Variants in FGF14 observed in about 807,000 individuals in gnomAD.
FGF14 encodes the protein fibroblast growth factor homologous factor 4.
A neutral mutation model predicts 25.5 loss-of-function variants in FGF14; 5 were observed. That is an observed-to-expected ratio of 0.20 (90% CI 0.10 to 0.41). FGF14 has a LOEUF of 0.41. Ranked by LOEUF, FGF14 falls within the 10% of genes least tolerant of loss-of-function variation. FGF14 has a pLI of 1.00. For synonymous variants in FGF14, 138 were observed against 118.3 expected, an observed-to-expected ratio of 1.17 and a Z score of -1.08; for missense variants, 222 against 320.1, an observed-to-expected ratio of 0.69 and a Z score of 2.34.
intron 1 of FGF14, among the ~76,000 whole-genome samples, chr13:102,347,077 A>C (rs1475696392): frequency 6.6e-6 from 1 of 152,178 alleles, no homozygotes; most frequent in Non-Finnish European, 1.5e-5. Flanking sequence ...AGCAGAGCCC[A>C]AAAATAAAGG....
rs185289917 is a variant in FGF14, at chr13:102,139,581, G to A, written c.208+261890C>T. Reference sequence around the variant, plus strand: ...ATATGTCCTATGAGCAATGCTCCACGGATGACTGCTGTGGAGGGGGGGATG... The same window carrying A: ...ATATGTCCTATGAGCAATGCTCCACAGATGACTGCTGTGGAGGGGGGGATG... On this transcript the variant is annotated intron_variant, in intron 1 of 4. Transcript: ENST00000376131. Among the ~76,000 whole-genome samples the A allele has an allele frequency of 2.0e-5, 3 of 152,128 alleles. No individual in the cohort carries two copies. The East Asian group carries it at 5.8e-4, about 29-fold the overall frequency.
At chr13:102,063,554 T>C (rs143339835) in intron 1 of FGF14, among the ~76,000 whole-genome samples, 1 of 151,526 alleles carries the variant, frequency 6.6e-6, no homozygotes, top group Non-Finnish European at 1.5e-5. Context: ...AGGCAGAGGT[T>C]GCAGTGAGCC....
chr13:102,004,437 T>C (rs1399615995), intron 1 of FGF14, among the ~76,000 whole-genome samples: 3 of 152,170 alleles, frequency 2.0e-5, no homozygotes, highest in Non-Finnish European at 2.9e-5. Context: ...AGCCTTCTTT[T>C]GAAACCAGAG....
intron 1 of FGF14, among the ~76,000 whole-genome samples, chr13:102,275,234 T>TTTTC (rs1555391830): frequency 7.4e-5 from 5 of 67,490 alleles, no homozygotes; most frequent in Admixed American, 7.2e-4. Flanking sequence ...TTAGGCAGAT[T>TTTTC]TCTCTCTCTC....
intron 1 of FGF14, among the ~76,000 whole-genome samples, chr13:102,174,149 T>C (rs2048349846): frequency 6.6e-6 from 1 of 151,136 alleles, no homozygotes; most frequent in South Asian, 2.1e-4. Flanking sequence ...TTTTTTTTTT[T>C]TTTGAAATGG....
chr13:101,931,803 C>T (rs746732858), intron 1 of FGF14, among the ~76,000 whole-genome samples: 6 of 152,166 alleles, frequency 3.9e-5, no homozygotes, highest in Non-Finnish European at 8.8e-5. Flanking sequence ...ACCTGAAGAA[C>T]GCGATTGACC....
chr13:102,163,259 C>A (rs1233406030), intron 1 of FGF14, among the ~76,000 whole-genome samples: 2 of 152,032 alleles, frequency 1.3e-5, no homozygotes, highest in Non-Finnish European at 2.9e-5. Context: ...AGCCCTTGTG[C>A]CTTTATTTTG....
intron 1 of FGF14, among the ~76,000 whole-genome samples, chr13:102,161,641 A>AGGAGG (rs1566765011): frequency 2.7e-4 from 4 of 14,692 alleles, no homozygotes; most frequent in Non-Finnish European, 5.2e-4. Context: ...GAAGAAGAAG[A>AGGAGG]AGAAGAAGAA....
At chr13:102,328,224 G>A (rs1357338591) in intron 1 of FGF14, among the ~76,000 whole-genome samples, 6 of 152,180 alleles carry the variant, frequency 3.9e-5, no homozygotes. Context: ...CTTGAAGGTT[G>A]AAGTTCTTCA....
At chr13:101,757,297 G>A (rs1320553537) in intron 3 of FGF14, among the ~76,000 whole-genome samples, 2 of 152,010 alleles carry the variant, frequency 1.3e-5, no homozygotes, top group African/African-American at 4.8e-5. Flanking sequence ...ACAAATTTGG[G>A]GTTCTATTTT....
intron 3 of FGF14, among the ~76,000 whole-genome samples, chr13:101,864,150 G>C (rs2044571073): frequency 6.6e-6 from 1 of 152,080 alleles, no homozygotes; most frequent in Admixed American, 6.6e-5. Context: ...ATCCTGTATG[G>C]ATAGGTAGGA....
At chr13:102,234,705 T>C (rs1367916828) in intron 1 of FGF14, among the ~76,000 whole-genome samples, 1 of 152,190 alleles carries the variant, frequency 6.6e-6, no homozygotes, top group Non-Finnish European at 1.5e-5. Context: ...ACATACTTCA[T>C]TAATATATAT....
At chr13:102,317,146 A>C (rs2056063723) in intron 1 of FGF14, among the ~76,000 whole-genome samples, 1 of 152,146 alleles carries the variant, frequency 6.6e-6, no homozygotes, top group Non-Finnish European at 1.5e-5. Flanking sequence ...ACTACTTGCT[A>C]CATTTATTCT....
chr13:102,075,195 A>G (rs879386236), intron 1 of FGF14, among the ~76,000 whole-genome samples: 3 of 152,224 alleles, frequency 2.0e-5, no homozygotes, highest in Admixed American at 1.3e-4. Flanking sequence ...TCACCAGAAA[A>G]CTGTTGGAAC....
chr13:101,879,451 C>A (rs575929806), intron 1 of FGF14, among the ~76,000 whole-genome samples: 1 of 152,134 alleles, frequency 6.6e-6, no homozygotes, highest in East Asian at 1.9e-4. Flanking sequence ...GAAAAATACA[C>A]AACATTTTTA....
At chr13:101,777,108 C>A (rs2039170279) in intron 3 of FGF14, among the ~76,000 whole-genome samples, 1 of 152,196 alleles carries the variant, frequency 6.6e-6, no homozygotes, top group African/African-American at 2.4e-5. Flanking sequence ...TATCATCTGA[C>A]TGCTTTATTC....
chr13:102,158,443 T>C (rs1353583616), intron 1 of FGF14, among the ~76,000 whole-genome samples: 2 of 149,202 alleles, frequency 1.3e-5, no homozygotes, highest in Non-Finnish European at 3.0e-5. Flanking sequence ...CACCATATGT[T>C]CTCACTCATA....
At chr13:102,088,512 T>A (rs568103022) in intron 1 of FGF14, among the ~76,000 whole-genome samples, 2 of 152,312 alleles carry the variant, frequency 1.3e-5, no homozygotes, top group South Asian at 2.1e-4. Context: ...TTCATCAAGA[T>A]ATGGAGTAAT....
At chr13:102,118,373 AATT>A (rs962123229) in intron 1 of FGF14, among the ~76,000 whole-genome samples, 63 of 133,426 alleles carry the variant, frequency 4.7e-4, no homozygotes, top group African/African-American at 1.9e-3. Context: ...ATTTAAAAAT[AATT>A]TTTTTAAACT....
Sources: allele counts gnomAD v4.1 joint callset (sites outside exome capture counted in the v4.1 genomes callset), GRCh38; gene constraint gnomAD v4.1.1; transcripts MANE v1.5; gene names NCBI Gene and HGNC (gene_info 2026-07-23, HGNC 2026-07-21).